Variants in HOPX observed in about 807,000 individuals in gnomAD.
HOPX encodes the protein homeodomain-only protein.
Under a neutral mutation model 11.8 loss-of-function variants are expected in HOPX, and 5 were observed. The observed-to-expected ratio is 0.43, with a 90% CI of 0.22 to 0.89. HOPX has a LOEUF of 0.89. HOPX is among the 40% of genes least tolerant of loss of function. The pLI is 0.28. For missense variants in HOPX, 119 were observed against 120.0 expected (o/e 0.99, Z 0.04); for synonymous variants, 49 against 49.7 (o/e 0.99, Z 0.06).
chr4:56,667,375 C>T (rs1029684922), intron 1 of HOPX, among the ~76,000 whole-genome samples: 1 of 152,032 alleles, frequency 6.6e-6, no homozygotes, highest in African/African-American at 2.4e-5. Flanking sequence ...CTCTATTATC[C>T]AGTTTGAAAA....
At position 56,660,026 on chromosome 4, in the gene HOPX, C is replaced by G. The variant is rs143534086; in HGVS notation, c.-83-2127G>C. Among the ~76,000 whole-genome samples, 198 of 152,154 alleles carry G rather than the reference C, an allele frequency of 1.3e-3. 1 individual carries two copies. In the East Asian group the frequency reaches 0.034, roughly 26 times the overall value. ...CAAAAGTTCAGAAATGAAATAAAAC[C>G]CTTTTAAAAACTTTTCAGAAAAAAT... On this transcript the variant is annotated intron_variant, in intron 1 of 3. Coordinates refer to ENST00000420433, the MANE Select transcript of HOPX (RefSeq NM_032495.6).
At chr4:56,679,360 A>G (rs1236564907) in intron 1 of HOPX, 1 of 152,246 alleles carries the variant, frequency 6.6e-6, no homozygotes, top group Non-Finnish European at 1.5e-5. Flanking sequence ...AAATGGTCAC[A>G]GTCACAATAA....
chr4:56,649,699 G>A (rs2109448629), intron 3 of HOPX: 1 of 152,380 alleles, frequency 6.6e-6, no homozygotes, highest in East Asian at 1.9e-4. Context: ...ATGAGGCCTA[G>A]AACATGCCTA....
intron 1 of HOPX, among the ~76,000 whole-genome samples, chr4:56,678,508 C>T (rs895688447): frequency 1.4e-5 from 2 of 141,922 alleles, no homozygotes; most frequent in Non-Finnish European, 3.0e-5. Flanking sequence ...TGCAGTGGCA[C>T]GATCTCCGCT....
At chr4:56,675,415 C>T (rs1222145959) in intron 1 of HOPX, among the ~76,000 whole-genome samples, 1 of 151,564 alleles carries the variant, frequency 6.6e-6, no homozygotes, top group Non-Finnish European at 1.5e-5. Flanking sequence ...AAAGGAGGTG[C>T]TATTAATAAT....
intron 3 of HOPX, chr4:56,650,680 T>C (rs201730628): frequency 1.5e-3 from 2,283 of 1,551,708 alleles, no homozygotes; most frequent in Non-Finnish European, 1.9e-3. Flanking sequence ...AGATCTTACA[T>C]ACCTTTACAC....
At chr4:56,675,101 C>T (rs918495618) in intron 1 of HOPX, among the ~76,000 whole-genome samples, 11 of 151,478 alleles carry the variant, frequency 7.3e-5, no homozygotes, top group Admixed American at 5.2e-4. Context: ...TTGTGATGAA[C>T]AATTCCTTGA....
At chr4:56,655,752 G>C (rs1486064187) in intron 3 of HOPX, 105 bp downstream of exon 3, 7 of 1,307,804 alleles carry the variant, frequency 5.4e-6, no homozygotes, top group African/African-American at 3.0e-5. Flanking sequence ...GGAGATCATG[G>C]GGAGGGCAGC....
Sources: allele counts gnomAD v4.1 joint callset (sites outside exome capture counted in the v4.1 genomes callset), GRCh38; gene constraint gnomAD v4.1.1; transcripts MANE v1.5; gene names NCBI Gene and HGNC (gene_info 2026-07-23, HGNC 2026-07-21).